DGKB: variants seen among roughly 807,000 people sequenced by gnomAD.
DGKB encodes diacylglycerol kinase beta, also known as 90 kDa diacylglycerol kinase.
DGKB carries 67 observed loss-of-function variants against 114.3 expected under a neutral mutation model. The ratio of observed to expected loss-of-function variants is 0.59; its 90% CI spans 0.48 to 0.72. The LOEUF is 0.72. DGKB is among the 30% of genes least tolerant of loss of function. The pLI is 0.00. For missense variants in DGKB, 907 were observed against 975.2 expected (o/e 0.93, Z 0.93); for synonymous variants, 398 against 323.1 (o/e 1.23, Z -2.49).
intron 25 of DGKB, among the ~76,000 whole-genome samples, chr7:14,164,015 A>AC (rs900916733): frequency 1.5e-3 from 234 of 151,730 alleles, no homozygotes; most frequent in East Asian, 4.4e-3. Context: ...AAACAAACAA[A>AC]AAAAAAAACA....
intron 20 of DGKB, among the ~76,000 whole-genome samples, chr7:14,510,085 G>C (rs1787764507): frequency 6.6e-6 from 1 of 152,066 alleles, no homozygotes; most frequent in Admixed American, 6.5e-5. Context: ...CTGAGGCGGG[G>C]ATCTTGTCTC....
chr7:14,904,672 A>T (rs1783580783), upstream of DGKB, among the ~76,000 whole-genome samples: 2 of 152,344 alleles, frequency 1.3e-5, no homozygotes, highest in South Asian at 2.1e-4. Flanking sequence ...TAAAAATCAT[A>T]TAATACCTTA....
chr7:14,406,432 T>A (rs1038014711), intron 21 of DGKB, among the ~76,000 whole-genome samples: 1 of 151,814 alleles, frequency 6.6e-6, no homozygotes, highest in Admixed American at 6.6e-5. Context: ...TAAAGAAAAA[T>A]CCTGCCTGAC....
At chr7:14,204,638 A>G (rs1473604023) in intron 23 of DGKB, among the ~76,000 whole-genome samples, 1 of 152,014 alleles carries the variant, frequency 6.6e-6, no homozygotes, top group African/African-American at 2.4e-5. Context: ...TGAGAACTAA[A>G]AGGTTCAAGT....
At chr7:14,860,865 T>G (rs1850875351) in intron 1 of DGKB, among the ~76,000 whole-genome samples, 1 of 151,928 alleles carries the variant, frequency 6.6e-6, no homozygotes, top group Non-Finnish European at 1.5e-5. Context: ...ATTTATAGAT[T>G]TTGTGACATT....
chr7:14,971,969 C>T (rs1787499533), intron 1 of DGKB, among the ~76,000 whole-genome samples: 1 of 152,114 alleles, frequency 6.6e-6, no homozygotes, highest in Non-Finnish European at 1.5e-5. Context: ...TGGCCTTGAA[C>T]TCCTGACCTC....
chr7:14,863,981 C>T (rs1851353074), intron 1 of DGKB, among the ~76,000 whole-genome samples: 2 of 151,904 alleles, frequency 1.3e-5, no homozygotes, highest in African/African-American at 2.4e-5. Flanking sequence ...TGCCTGTAAT[C>T]CCAGCTACTA....
chr7:14,347,641 GTCAA>G (rs1291225179), intron 21 of DGKB, among the ~76,000 whole-genome samples: 5 of 151,930 alleles, frequency 3.3e-5, no homozygotes, highest in African/African-American at 1.2e-4. Flanking sequence ...GGAAATGTTG[GTCAA>G]AGGATGCAAA....
At chr7:14,610,662 A>C (rs937949620) in intron 16 of DGKB, among the ~76,000 whole-genome samples, 2 of 152,008 alleles carry the variant, frequency 1.3e-5, no homozygotes, top group Admixed American at 6.6e-5. Flanking sequence ...TATCACCTAG[A>C]GTTGTTCTCA....
At chr7:14,163,402 T>G (rs1784186770) in intron 25 of DGKB, among the ~76,000 whole-genome samples, 1 of 152,136 alleles carries the variant, frequency 6.6e-6, no homozygotes, top group African/African-American at 2.4e-5. Flanking sequence ...CCAAACTAAT[T>G]AATGCATAAG....
chr7:14,384,372 C>T (rs186229399), intron 21 of DGKB, among the ~76,000 whole-genome samples: 6 of 152,206 alleles, frequency 3.9e-5, no homozygotes, highest in African/African-American at 1.4e-4. Context: ...TTTTTTGAAA[C>T]ACAGTTACTC....
At chr7:14,185,461 A>T (rs371936510) in intron 23 of DGKB, among the ~76,000 whole-genome samples, 1 of 152,182 alleles carries the variant, frequency 6.6e-6, no homozygotes, top group South Asian at 2.1e-4. Flanking sequence ...CTACAATTCA[A>T]TGCAATTCCC....
At chr7:14,703,912 G>T (rs922940359) in intron 6 of DGKB, among the ~76,000 whole-genome samples, 3 of 152,090 alleles carry the variant, frequency 2.0e-5, no homozygotes, top group African/African-American at 7.2e-5. Context: ...TTTTAAAAAT[G>T]AACTTACTAT....
At chr7:14,572,288 A>C (rs936322250) in intron 20 of DGKB, among the ~76,000 whole-genome samples, 3 of 58,092 alleles carry the variant, frequency 5.2e-5, no homozygotes, top group Non-Finnish European at 1.3e-4. Flanking sequence ...CTAAAAATAC[A>C]AAAAAAAAAA....
At chr7:14,418,665 A>G (rs1279116603) in intron 21 of DGKB, among the ~76,000 whole-genome samples, 1 of 151,830 alleles carries the variant, frequency 6.6e-6, no homozygotes, top group Non-Finnish European at 1.5e-5. Flanking sequence ...TATGTTGAAA[A>G]ATGGGTTAGG....
At chr7:14,287,686 T>G (rs1214999010) in intron 23 of DGKB, among the ~76,000 whole-genome samples, 1 of 152,132 alleles carries the variant, frequency 6.6e-6, no homozygotes, top group African/African-American at 2.4e-5. Flanking sequence ...AAGTTAAGCA[T>G]GTTCTTAAAC....
chr7:14,680,971 A>C (rs1424942476), intron 12 of DGKB, among the ~76,000 whole-genome samples: 1 of 151,984 alleles, frequency 6.6e-6, no homozygotes, highest in Non-Finnish European at 1.5e-5. Flanking sequence ...ACAAAGAAGA[A>C]ATTATTTCTA....
At chr7:14,840,743 CA>C (rs753804309) in intron 2 of DGKB, among the ~76,000 whole-genome samples, 6,565 of 134,334 alleles carry the variant, frequency 0.049, 213 homozygotes, top group Non-Finnish European at 0.076. Flanking sequence ...CACACACACA[CA>C]CCTCTCCCTT....
At chr7:14,867,261 G>A (rs1436860653) in intron 1 of DGKB, among the ~76,000 whole-genome samples, 2 of 151,836 alleles carry the variant, frequency 1.3e-5, no homozygotes, top group East Asian at 3.9e-4. Context: ...TTTTTTCATG[G>A]ACTCTGCCTT....
Sources: gnomAD v4.1 joint callset for allele counts (sites outside exome capture counted in the v4.1 genomes callset) on GRCh38, gnomAD v4.1.1 for gene constraint, MANE v1.5 for transcripts, NCBI Gene and HGNC (gene_info 2026-07-23, HGNC 2026-07-21) for gene names.